XKR4: variants seen among roughly 807,000 people sequenced by gnomAD.
The protein encoded by XKR4 is XK-related protein 4.
In XKR4, 12 loss-of-function variants were observed where a neutral mutation model predicts 53.9. That is an observed-to-expected ratio of 0.22 (90% CI 0.14 to 0.36). The LOEUF (loss-of-function observed/expected upper bound fraction) is 0.36, where lower values mean the gene tolerates loss of function less well. XKR4 is among the 10% of genes least tolerant of loss of function. XKR4 has a pLI of 1.00. For missense variants in XKR4, 799 were observed against 859.5 expected, an observed-to-expected ratio of 0.93 and a Z score of 0.88; for synonymous variants, 354 against 362.4, an observed-to-expected ratio of 0.98 and a Z score of 0.26.
chr8:55,540,146 C>A lies in XKR4; in HGVS notation c.*15919C>A, dbSNP rs1807080308. 1 of 152,192 alleles carries A rather than the reference C, an allele frequency of 6.6e-6. No individual in the cohort carries two copies. The highest frequency in any genetic ancestry group is 2.1e-4 in the South Asian group (1 of 4,828). 9.4% of individuals were successfully genotyped at this position (152,192 alleles called of 1,614,324 possible). On this transcript the variant is annotated 3_prime_UTR_variant, in exon 3 of 3. Transcript: ENST00000327381. ...TCCTTGAAAGTTTTTAGAAAAACTA[C>A]CATTTTCAGCAAAGATTCATGTGAT...
intron 1 of XKR4, among the ~76,000 whole-genome samples, chr8:55,110,150 A>G (rs1337313759): frequency 6.6e-6 from 1 of 152,212 alleles, no homozygotes; most frequent in African/African-American, 2.4e-5. Flanking sequence ...GTATGGTGCT[A>G]GTCAGGAGGG....
chr8:55,207,225 A>G (rs149213588), intron 1 of XKR4, among the ~76,000 whole-genome samples: 47 of 152,288 alleles, frequency 3.1e-4, no homozygotes, highest in South Asian at 6.2e-4. Context: ...ATCATCTAGC[A>G]TGCATGGGTC....
intron 1 of XKR4, among the ~76,000 whole-genome samples, chr8:55,122,216 C>A (rs1249965930): frequency 1.3e-5 from 2 of 152,064 alleles, no homozygotes; most frequent in African/African-American, 4.8e-5. Context: ...TTCTTGTTTA[C>A]TTTGTACTGT....
intron 1 of XKR4, among the ~76,000 whole-genome samples, chr8:55,340,546 C>T (rs1803528938): frequency 1.3e-5 from 2 of 152,208 alleles, no homozygotes; most frequent in South Asian, 4.1e-4. Flanking sequence ...CACCAAAGAG[C>T]AGATGTCACT....
At position 55,326,468 on chromosome 8, in the gene XKR4, C is replaced by CTTT. The variant is rs10666278; in HGVS notation, c.807-31193_807-31191dup. Among the ~76,000 whole-genome samples the CTTT allele has an allele frequency of 5.3e-3, 597 of 111,744 alleles. 7 individuals carry two copies. The highest frequency in any genetic ancestry group is 0.018 in the Middle Eastern group (3 of 166). The allele number at this position is 111,744 out of a possible 152,430, so 73.3% of individuals were successfully genotyped here. ...TATTCCCCTCAACTGATTTTTTTTC[C>CTTT]TTTTTTTTTTTTTTTTTTTGGAAAC... On this transcript the variant is annotated intron_variant, in intron 1 of 2. Transcript: ENST00000327381.
At chr8:55,322,214 G>A (rs527266052) in intron 1 of XKR4, among the ~76,000 whole-genome samples, 46 of 152,192 alleles carry the variant, frequency 3.0e-4, no homozygotes, top group African/African-American at 9.1e-4. Context: ...ATGGATTCAC[G>A]TTGCAAGTAG....
At chr8:55,301,458 A>T (rs372099867) in intron 1 of XKR4, among the ~76,000 whole-genome samples, 1 of 151,908 alleles carries the variant, frequency 6.6e-6, no homozygotes, top group East Asian at 1.9e-4. Context: ...ATAAACATAC[A>T]TGTGCATGTG....
At chr8:55,520,325 C>G (rs1006019054) in intron 2 of XKR4, among the ~76,000 whole-genome samples, 1 of 152,216 alleles carries the variant, frequency 6.6e-6, no homozygotes, top group African/African-American at 2.4e-5. Context: ...GTGGCTCACG[C>G]CTAAAATCCT....
intron 1 of XKR4, among the ~76,000 whole-genome samples, chr8:55,270,660 T>C (rs1323478651): frequency 6.6e-6 from 1 of 152,260 alleles, no homozygotes; most frequent in Non-Finnish European, 1.5e-5. Flanking sequence ...CAAACATACC[T>C]ACATTGGGTA....
chr8:55,540,531 CTAAA>C lies in XKR4; in HGVS notation c.*16307_*16310del, dbSNP rs1454518183. ...TTCTTGGATGAGAACCTTGCCTCTA[CTAAA>C]TAGTTTCTGCTTTTCCTCTCTGTAG... is the stretch of plus-strand genomic sequence containing the variant. On this transcript the variant is annotated 3_prime_UTR_variant, in exon 3 of 3. Transcript: ENST00000327381. 6.6e-6 allele frequency: 1 copy of C among 152,174 alleles called. No individual in the cohort carries two copies. Among genetic ancestry groups the C allele is most frequent in the Non-Finnish European group, 1.5e-5 (1 of 68,032 alleles). 9.4% of individuals were successfully genotyped at this position (152,174 alleles called of 1,614,324 possible).
intron 1 of XKR4, among the ~76,000 whole-genome samples, chr8:55,300,742 G>C (rs574084182): frequency 6.6e-6 from 1 of 152,180 alleles, no homozygotes; most frequent in East Asian, 1.9e-4. Flanking sequence ...TGCTTCCATC[G>C]TGGGGATGCA....
At chr8:55,510,462 A>G (rs1010666899) in intron 2 of XKR4, among the ~76,000 whole-genome samples, 2 of 152,152 alleles carry the variant, frequency 1.3e-5, no homozygotes, top group African/African-American at 4.8e-5. Flanking sequence ...CATTTTAATT[A>G]CAAACTAAAA....
intron 1 of XKR4, among the ~76,000 whole-genome samples, chr8:55,128,394 A>G (rs1816504802): frequency 6.6e-6 from 1 of 152,166 alleles, no homozygotes; most frequent in African/African-American, 2.4e-5. Flanking sequence ...TAGAAGTGCA[A>G]GCATCCCACT....
intron 1 of XKR4, among the ~76,000 whole-genome samples, chr8:55,282,056 G>T (rs1222994795): frequency 6.6e-6 from 1 of 152,206 alleles, no homozygotes; most frequent in Admixed American, 6.5e-5. Flanking sequence ...GTGTTCCGAT[G>T]AGATGGGACA....
chr8:55,486,275 C>G (rs1162955290), intron 2 of XKR4, among the ~76,000 whole-genome samples: 1 of 152,198 alleles, frequency 6.6e-6, no homozygotes, highest in Non-Finnish European at 1.5e-5. Flanking sequence ...CCAGATCTAT[C>G]AAAAACCTCA....
chr8:55,480,250 C>T (rs150533475), intron 2 of XKR4, among the ~76,000 whole-genome samples: 114,999 of 152,180 alleles, frequency 0.76, 44,082 homozygotes, highest in African/African-American at 0.88. Flanking sequence ...TTTCAACATA[C>T]GCAAATCAAT....
intron 2 of XKR4, among the ~76,000 whole-genome samples, chr8:55,498,897 T>C (rs1047607579): frequency 2.6e-5 from 4 of 152,238 alleles, no homozygotes; most frequent in African/African-American, 9.6e-5. Flanking sequence ...GAGTTTCCAC[T>C]TTGTAGATGA....
Position 55,537,481 on chromosome 8 carries a change from G to A in XKR4, c.*13254G>A, listed in dbSNP as rs1193099378. 1 of 152,182 alleles carries A rather than the reference G, an allele frequency of 6.6e-6. No homozygotes were observed. The highest frequency in any genetic ancestry group is 1.5e-5 in the Non-Finnish European group (1 of 68,040). 9.4% of individuals were successfully genotyped at this position (152,182 alleles called of 1,614,324 possible). Reference sequence around the variant, plus strand: ...AGCTATTCAGACCAGTTTTCTTTAAGAGCACTTATGTTGCAGAACATGATA... The same window carrying A: ...AGCTATTCAGACCAGTTTTCTTTAAAAGCACTTATGTTGCAGAACATGATA... On this transcript the variant is annotated 3_prime_UTR_variant, in exon 3 of 3. Coordinates refer to ENST00000327381, the MANE Select transcript of XKR4 (RefSeq NM_052898.2).
intron 1 of XKR4, among the ~76,000 whole-genome samples, chr8:55,253,731 CTTTTTTTTTT>C (rs67608017): frequency 8.8e-6 from 1 of 113,708 alleles, no homozygotes; most frequent in African/African-American, 3.2e-5. Context: ...ATTTTCTTTT[CTTTTTTTTTT>C]TTTTTTTTTT....
Sources: allele counts gnomAD v4.1 joint callset (sites outside exome capture counted in the v4.1 genomes callset), GRCh38; gene constraint gnomAD v4.1.1; transcripts MANE v1.5; gene names NCBI Gene and HGNC (gene_info 2026-07-23, HGNC 2026-07-21).